Variants in ALG14 observed in about 807,000 individuals in gnomAD.
The protein encoded by ALG14 is UDP-N-acetylglucosamine transferase subunit ALG14.
In ALG14, 17 loss-of-function variants were observed where a neutral mutation model predicts 22.8. The observed-to-expected ratio is 0.75, with a 90% CI of 0.51 to 1.12. The LOEUF is 1.12. Among genes scored for constraint, ALG14 ranks in the 50% most tolerant of loss-of-function variants. The pLI is 0.00. For missense variants in ALG14, 288 were observed against 271.8 expected (o/e 1.06, Z -0.42); for synonymous variants, 89 against 103.7 (o/e 0.86, Z 0.86).
intron 3 of ALG14, among the ~76,000 whole-genome samples, chr1:95,023,172 AG>A (rs1415415552): frequency 1.3e-4 from 20 of 152,036 alleles, no homozygotes; most frequent in African/African-American, 4.6e-4. Context: ...TCTATCCCCC[AG>A]GCTGGGGTGC....
At chr1:95,031,319 C>A (rs1673993540) in intron 2 of ALG14, among the ~76,000 whole-genome samples, 1 of 152,168 alleles carries the variant, frequency 6.6e-6, no homozygotes, top group Admixed American at 6.5e-5. Flanking sequence ...GGAGAATCTG[C>A]ATCAAAGTCA....
At chr1:94,983,983 A>G (rs1185027176) in intron 3 of ALG14, among the ~76,000 whole-genome samples, 1 of 152,106 alleles carries the variant, frequency 6.6e-6, no homozygotes, top group Admixed American at 6.5e-5. Context: ...TGACCTCATG[A>G]TCTGCCCACT....
intron 3 of ALG14, among the ~76,000 whole-genome samples, chr1:95,003,113 G>A (rs1673111671): frequency 1.3e-5 from 2 of 152,188 alleles, no homozygotes. Context: ...AACTATGGAA[G>A]TTTTAAAGTT....
chr1:95,058,891 T>C (rs1182087436), intron 2 of ALG14, among the ~76,000 whole-genome samples: 6 of 151,974 alleles, frequency 3.9e-5, no homozygotes, highest in African/African-American at 1.4e-4. Context: ...AAATTTTATT[T>C]TTTTTCCTCT....
intron 2 of ALG14, among the ~76,000 whole-genome samples, chr1:95,040,809 C>T (rs1157131846): frequency 1.3e-5 from 2 of 152,166 alleles, no homozygotes; most frequent in Non-Finnish European, 2.9e-5. Context: ...AATGTTACTG[C>T]TCTTCATGTT....
chr1:95,010,846 C>G (rs1009655218), intron 3 of ALG14, among the ~76,000 whole-genome samples: 9 of 151,958 alleles, frequency 5.9e-5, no homozygotes, highest in African/African-American at 2.2e-4. Flanking sequence ...GAAAAAAAAG[C>G]CAGAATATCA....
intron 2 of ALG14, among the ~76,000 whole-genome samples, chr1:95,044,760 G>A (rs1279044895): frequency 6.6e-6 from 1 of 152,080 alleles, no homozygotes; most frequent in Non-Finnish European, 1.5e-5. Context: ...AGTGGAGTGA[G>A]CTCCATGATG....
In ALG14 at chr1:94,980,604, C is replaced by G. The variant is rs1267712673; in HGVS notation, c.*2472G>C. On this transcript the variant is annotated 3_prime_UTR_variant, in exon 4 of 4. Transcript: ENST00000370205. ...TCTTTCTGAATGTCACAGAAATGCA[C>G]AGCAGGGAAATTGTGCCACCAGCCC... is the stretch of plus-strand genomic sequence containing the variant. The G allele has an allele frequency of 2.6e-5, 4 of 152,174 alleles. No homozygotes were observed. Among genetic ancestry groups the G allele is most frequent in the Non-Finnish European group, 5.9e-5 (4 of 68,048 alleles). The allele number at this position is 152,174 out of a possible 1,614,324, so 9.4% of individuals were successfully genotyped here.
intron 3 of ALG14, among the ~76,000 whole-genome samples, chr1:95,025,346 G>A (rs998436423): frequency 6.6e-6 from 1 of 152,188 alleles, no homozygotes; most frequent in African/African-American, 2.4e-5. Context: ...CAGATGTGCT[G>A]TCATCTAGGC....
chr1:95,011,055 G>C, intron 3 of ALG14, among the ~76,000 whole-genome samples: 1 of 152,148 alleles, frequency 6.6e-6, no homozygotes, highest in East Asian at 1.9e-4. Context: ...GTCAACTCAA[G>C]AAAAGAATGA....
intron 3 of ALG14, among the ~76,000 whole-genome samples, chr1:95,013,115 TAA>T (rs568022540): frequency 1.8e-4 from 24 of 134,958 alleles, no homozygotes; most frequent in Admixed American, 3.0e-4. Flanking sequence ...CTGTCTCAAT[TAA>T]AAAAAAAAAA....
At chr1:95,043,243 G>A (rs1674439775) in intron 2 of ALG14, among the ~76,000 whole-genome samples, 1 of 152,090 alleles carries the variant, frequency 6.6e-6, no homozygotes, top group African/African-American at 2.4e-5. Flanking sequence ...TTCTGTAGAT[G>A]TTGATTCAAC....
Position 95,009,592 on chromosome 1 carries a change from T to C in ALG14, c.420+17537A>G, listed in dbSNP as rs1245244162. Among the ~76,000 whole-genome samples the C allele has an allele frequency of 2.6e-5, 4 of 152,178 alleles. No homozygotes were observed. In the South Asian group the frequency reaches 6.2e-4, roughly 24 times the overall value. On this transcript the variant is annotated intron_variant, in intron 3 of 3. Transcript: ENST00000370205. ...AAGAATAAATCCCATTATTTGATCA[T>C]ACAATTGTATTCTCTGTATGCAAAA...
chr1:95,063,223 A>C (rs1379497309), intron 2 of ALG14, among the ~76,000 whole-genome samples: 1 of 151,992 alleles, frequency 6.6e-6, no homozygotes, highest in Non-Finnish European at 1.5e-5. Flanking sequence ...TATTGCAAAA[A>C]TTTTCTCCAA....
chr1:94,989,976 G>C lies in ALG14; in HGVS notation c.421-6670C>G, dbSNP rs17112840. Among the ~76,000 whole-genome samples the C allele has an allele frequency of 3.3e-3, 497 of 152,298 alleles. 1 individual carries two copies. The highest frequency in any genetic ancestry group is 0.011 in the African/African-American group (477 of 41,566). ...GACAGGGCTAAAAGCACTGGACCAT[G>C]GGCATAGGAGTCAGACAGGGCAAAA... is the stretch of plus-strand genomic sequence containing the variant. On this transcript the variant is annotated intron_variant, in intron 3 of 3. Coordinates refer to ENST00000370205, the MANE Select transcript of ALG14 (RefSeq NM_144988.4).
At chr1:95,057,055 CA>C (rs199574536) in intron 2 of ALG14, among the ~76,000 whole-genome samples, 133 of 100,664 alleles carry the variant, frequency 1.3e-3, no homozygotes, top group East Asian at 9.0e-3. Context: ...GATTCTGGCT[CA>C]AAAAAAAAAA....
At chr1:95,020,782 G>T (rs1468546101) in intron 3 of ALG14, among the ~76,000 whole-genome samples, 1 of 151,866 alleles carries the variant, frequency 6.6e-6, no homozygotes, top group African/African-American at 2.4e-5. Context: ...ACTCTAAGTG[G>T]TTCTACAACA....
intron 2 of ALG14, among the ~76,000 whole-genome samples, chr1:95,056,573 A>G (rs1674940029): frequency 6.6e-6 from 1 of 152,072 alleles, no homozygotes; most frequent in South Asian, 2.1e-4. Context: ...TCAGCTGGGA[A>G]GATCGAGGCT....
intron 2 of ALG14, among the ~76,000 whole-genome samples, chr1:95,029,763 A>C (rs1452573023): frequency 6.6e-6 from 1 of 152,212 alleles, no homozygotes; most frequent in Non-Finnish European, 1.5e-5. Flanking sequence ...GTGAAAATGG[A>C]AATGTGTGAC....
Sources: allele counts gnomAD v4.1 joint callset (sites outside exome capture counted in the v4.1 genomes callset), GRCh38; gene constraint gnomAD v4.1.1; transcripts MANE v1.5; gene names NCBI Gene and HGNC (gene_info 2026-07-23, HGNC 2026-07-21).